Variants in MLLT3 observed in about 807,000 individuals in gnomAD.
MLLT3 encodes protein AF-9.
A neutral mutation model predicts 53.2 loss-of-function variants in MLLT3; 4 were observed. The observed-to-expected ratio is 0.08, with a 90% CI of 0.04 to 0.17. The LOEUF (loss-of-function observed/expected upper bound fraction) is 0.17. MLLT3 is among the 10% of genes least tolerant of loss of function. The pLI, the probability that MLLT3 is intolerant of heterozygous loss-of-function variation, is 1.00. For synonymous variants in MLLT3, 283 were observed against 230.6 expected, an observed-to-expected ratio of 1.23 and a Z score of -2.06; for missense variants, 569 against 684.0, an observed-to-expected ratio of 0.83 and a Z score of 1.87.
At chr9:20,579,997 A>AG (rs1819751542) in intron 2 of MLLT3, among the ~76,000 whole-genome samples, 1 of 152,194 alleles carries the variant, frequency 6.6e-6, no homozygotes, top group Non-Finnish European at 1.5e-5. Flanking sequence ...GGGAGCAGTG[A>AG]GGTCCTATCC....
intron 2 of MLLT3, among the ~76,000 whole-genome samples, chr9:20,599,231 G>T (rs1006004624): frequency 9.2e-5 from 14 of 151,498 alleles, no homozygotes; most frequent in African/African-American, 3.2e-4. Context: ...TTGAACCAGG[G>T]AGATGGAGGT....
intron 2 of MLLT3, among the ~76,000 whole-genome samples, chr9:20,566,934 C>G (rs546828096): frequency 6.6e-6 from 1 of 152,114 alleles, no homozygotes; most frequent in Admixed American, 6.6e-5. Flanking sequence ...AAGCAACTGA[C>G]CAAAGAGGGA....
intron 2 of MLLT3, among the ~76,000 whole-genome samples, chr9:20,479,421 G>A (rs1347928991): frequency 6.6e-6 from 1 of 152,040 alleles, no homozygotes; most frequent in African/African-American, 2.4e-5. Context: ...TATAGCAAGA[G>A]GGAAAATGGG....
intron 2 of MLLT3, among the ~76,000 whole-genome samples, chr9:20,591,225 G>C (rs1820121005): frequency 6.6e-6 from 1 of 152,100 alleles, no homozygotes; most frequent in Non-Finnish European, 1.5e-5. Context: ...CTGGGGGCCT[G>C]ACACTTAGGA....
At chr9:20,373,825 A>C (rs1821682989) in intron 5 of MLLT3, among the ~76,000 whole-genome samples, 1 of 152,188 alleles carries the variant, frequency 6.6e-6, no homozygotes. Flanking sequence ...ACTGTGGATG[A>C]ATACTAATGA....
chr9:20,501,402 T>A (rs907675014), intron 2 of MLLT3, among the ~76,000 whole-genome samples: 4 of 152,258 alleles, frequency 2.6e-5, no homozygotes, highest in Non-Finnish European at 5.9e-5. Context: ...CCAACAACCA[T>A]GATTATTACT....
At chr9:20,423,790 A>G (rs1225465394) in intron 4 of MLLT3, among the ~76,000 whole-genome samples, 1 of 151,830 alleles carries the variant, frequency 6.6e-6, no homozygotes. Flanking sequence ...CTACTAAAAT[A>G]AAATTAAAAA....
At chr9:20,380,841 A>C (rs1048477717) in intron 5 of MLLT3, among the ~76,000 whole-genome samples, 1 of 151,998 alleles carries the variant, frequency 6.6e-6, no homozygotes, top group African/African-American at 2.4e-5. Flanking sequence ...TGAAAGTCAA[A>C]TTAGACTGGA....
Position 20,346,545 on chromosome 9 carries a change from G to C in MLLT3, c.1605C>G (p.His535Gln). ...CAAATGTTGTGTTTGTGATATGAAA[G>C]TGTCCAGTTTCTTCTATAAGGTTCA... ...QIVNLIEETGHFHITNTTFDF... is the reference protein window; with the variant it reads ...QIVNLIEETGQFHITNTTFDF... Residue 535 changes from histidine (H) to glutamine (Q), a missense_variant, in exon 11 of 11, where the codon CAC (histidine) becomes CAG (glutamine). Around this residue, in one of 5 missense-constraint regions of MLLT3, gnomAD observed 45 missense variants for 85.5 expected, o/e 0.53. Coordinates refer to ENST00000380338, the MANE Select transcript of MLLT3 (RefSeq NM_004529.4). 1 of 1,613,730 alleles carries C rather than the reference G, an allele frequency of 6.2e-7. No homozygotes were observed. The highest frequency in any genetic ancestry group is 8.5e-7 in the Non-Finnish European group (1 of 1,179,694).
intron 2 of MLLT3, among the ~76,000 whole-genome samples, chr9:20,480,189 C>T (rs759740333): frequency 6.6e-6 from 1 of 152,156 alleles, no homozygotes; most frequent in South Asian, 2.1e-4. Context: ...AACATGAGAA[C>T]TGAAAATCAA....
intron 2 of MLLT3, among the ~76,000 whole-genome samples, chr9:20,596,687 T>C (rs960147326): frequency 6.6e-6 from 1 of 152,040 alleles, no homozygotes; most frequent in African/African-American, 2.4e-5. Flanking sequence ...AAAGCAAGAC[T>C]CCATCTCAAA....
intron 2 of MLLT3, among the ~76,000 whole-genome samples, chr9:20,486,075 C>T (rs1222415854): frequency 6.6e-6 from 1 of 152,090 alleles, no homozygotes; most frequent in Non-Finnish European, 1.5e-5. Flanking sequence ...ACGTTATAGT[C>T]AAGTCATCCA....
At chr9:20,470,014 A>G (rs1824340924) in intron 2 of MLLT3, among the ~76,000 whole-genome samples, 1 of 152,078 alleles carries the variant, frequency 6.6e-6, no homozygotes, top group African/African-American at 2.4e-5. Context: ...GAATTCTATT[A>G]TAGTCTAATT....
chr9:20,350,451 C>T (rs1313081903), intron 10 of MLLT3, among the ~76,000 whole-genome samples: 2 of 151,494 alleles, frequency 1.3e-5, no homozygotes, highest in Non-Finnish European at 2.9e-5. Flanking sequence ...AAAAATTAGC[C>T]GGGCGTGGTG....
intron 4 of MLLT3, among the ~76,000 whole-genome samples, chr9:20,440,052 T>A (rs1277659960): frequency 6.6e-6 from 1 of 152,246 alleles, no homozygotes; most frequent in Admixed American, 6.5e-5. Flanking sequence ...AAAAATATAA[T>A]AAATCTGCAG....
intron 4 of MLLT3, among the ~76,000 whole-genome samples, chr9:20,444,557 C>T (rs1164211456): frequency 6.6e-6 from 1 of 152,014 alleles, no homozygotes; most frequent in Non-Finnish European, 1.5e-5. Flanking sequence ...TTCATAACCC[C>T]TACCCTCTTT....
Position 20,345,585 on chromosome 9 carries a change from G to A in MLLT3, c.*858C>T, listed in dbSNP as rs1359504228. ...GTAAAACAGACACAAGAATGTTGAT[G>A]ACAGCTCAACAATGCTGGATTCAGG... On this transcript the variant is annotated 3_prime_UTR_variant, in exon 11 of 11. Coordinates refer to ENST00000380338, the MANE Select transcript of MLLT3 (RefSeq NM_004529.4). 1 of 205,020 alleles carries A rather than the reference G, an allele frequency of 4.9e-6. No individual in the cohort carries two copies. Among genetic ancestry groups the A allele is most frequent in the Non-Finnish European group, 1.0e-5 (1 of 100,378 alleles). The allele number at this position is 205,020 out of a possible 1,614,324, so 12.7% of individuals were successfully genotyped here.
chr9:20,387,471 C>A (rs146697635), intron 5 of MLLT3, among the ~76,000 whole-genome samples: 75 of 152,166 alleles, frequency 4.9e-4, no homozygotes, highest in African/African-American at 1.6e-3. Flanking sequence ...TTTGTTTTTG[C>A]GGTCGTGGAG....
intron 2 of MLLT3, among the ~76,000 whole-genome samples, chr9:20,527,054 A>T (rs1473519078): frequency 6.6e-6 from 1 of 152,150 alleles, no homozygotes; most frequent in Non-Finnish European, 1.5e-5. Context: ...AAAGCTTTTA[A>T]TCTATTTAGT....
Sources: allele counts gnomAD v4.1 joint callset (sites outside exome capture counted in the v4.1 genomes callset), GRCh38; gene constraint gnomAD v4.1.1; regional missense constraint gnomAD v4.1.1; transcripts MANE v1.5; gene names NCBI Gene and HGNC (gene_info 2026-07-23, HGNC 2026-07-21).